FSD1L: variants seen among roughly 807,000 people sequenced by gnomAD.
FSD1L encodes fibronectin type III and SPRY domain containing 1 like.
FSD1L carries 45 observed loss-of-function variants against 71.6 expected under a neutral mutation model. The ratio of observed to expected loss-of-function variants is 0.63; its 90% CI spans 0.49 to 0.81. The LOEUF (loss-of-function observed/expected upper bound fraction) is 0.81. Among genes scored for constraint, FSD1L ranks in the 30% least tolerant of loss-of-function variants. The probability of loss-of-function intolerance (pLI) is 0.00; values close to 1 mark genes in which losing one functional copy is unlikely to be tolerated. For synonymous variants in FSD1L, 197 were observed against 207.2 expected, an observed-to-expected ratio of 0.95 and a Z score of 0.42; for missense variants, 561 against 618.1, an observed-to-expected ratio of 0.91 and a Z score of 0.98.
intron 3 of FSD1L, among the ~76,000 whole-genome samples, 171 bp from the exon 4 acceptor site, chr9:105,468,022 T>C (rs1831189849): frequency 6.6e-6 from 1 of 152,248 alleles, no homozygotes. Context: ...GGGCAGTTTG[T>C]TGCATTTATC....
chr9:105,481,191 T>G (rs1282445446), intron 6 of FSD1L, among the ~76,000 whole-genome samples: 5 of 113,294 alleles, frequency 4.4e-5, no homozygotes, highest in Admixed American at 2.8e-4. Context: ...TTCTTTTTTT[T>G]TTTTTTTTTT....
Position 105,508,679 on chromosome 9 carries a change from G to A in FSD1L, c.859G>A (p.Gly287Arg). Residue 287 changes from glycine (G) to arginine (R), a missense_variant, in exon 9 of 14, where the codon GGA (glycine) becomes AGA (arginine). Physicochemically the swap from Gly to Arg is moderately radical, Grantham distance 125. Around this residue, in one of 3 missense-constraint regions of FSD1L, gnomAD observed 410 missense variants for 413.5 expected, o/e 0.99. Transcript: ENST00000481272. ...RVRACNKAVA[G>R]EYSDPVTLET... ...GCGAGCTTGTAACAAGGCTGTGGCT[G>A]GAGAGTATTCTGATCCAGTGACTCT... 6.4e-7 allele frequency: 1 copy of A among 1,551,068 alleles called. No homozygotes were observed. Among genetic ancestry groups the A allele is most frequent in the Non-Finnish European group, 8.7e-7 (1 of 1,146,248 alleles).
At chr9:105,475,957 C>T (rs79656863) in intron 5 of FSD1L, among the ~76,000 whole-genome samples, 6,297 of 151,928 alleles carry the variant, frequency 0.041, 444 homozygotes, top group African/African-American at 0.14. Flanking sequence ...GAAAATAAGG[C>T]TTTGAGGCTC....
At position 105,528,064 on chromosome 9, in the gene FSD1L, G is replaced by T. The variant is rs551321458; in HGVS notation, c.1026-6429G>T. Among the ~76,000 whole-genome samples, 111 of 151,268 alleles carry T rather than the reference G, an allele frequency of 7.3e-4. 1 individual carries two copies. The highest frequency in any genetic ancestry group is 2.7e-3 in the African/African-American group (110 of 41,404). ...TTCACAATTGCTACAAAGAGAATAC[G>T]TAGGAATACAACTTACAAGGGATGT... On this transcript the variant is annotated intron_variant, in intron 10 of 13. Coordinates refer to ENST00000481272, the MANE Select transcript of FSD1L (RefSeq NM_001145313.3).
At chr9:105,504,916 T>G (rs959785085) in intron 7 of FSD1L, among the ~76,000 whole-genome samples, 20 of 152,234 alleles carry the variant, frequency 1.3e-4, no homozygotes, top group African/African-American at 4.6e-4. Flanking sequence ...TTGAGCATGA[T>G]AATACAGAAA....
At chr9:105,475,021 C>CT (rs1831703004) in intron 5 of FSD1L, among the ~76,000 whole-genome samples, 2 of 152,160 alleles carry the variant, frequency 1.3e-5, no homozygotes, top group African/African-American at 4.8e-5. Context: ...AGCTTTATTC[C>CT]TGGACTTAAT....
intron 10 of FSD1L, chr9:105,520,509 T>A: frequency 8.9e-7 from 1 of 1,127,528 alleles, no homozygotes; most frequent in Non-Finnish European, 1.4e-6. Context: ...ATGCTATACT[T>A]TTTATTTTTG....
intron 5 of FSD1L, chr9:105,472,313 A>G (rs968994540): frequency 2.3e-4 from 63 of 279,854 alleles, no homozygotes; most frequent in African/African-American, 1.2e-3. Flanking sequence ...TTGCAGATAA[A>G]TGCCCCCACT....
rs1035700414 is a variant in FSD1L at position 105,549,554 on chromosome 9, C to T, written c.*3071C>T. ...TGGTATCTGTATCATCTTGACAAAT[C>T]GTGAACTGCTGCTGTATGGCTAGAC... is the stretch of plus-strand genomic sequence containing the variant. On this transcript the variant is annotated 3_prime_UTR_variant, in exon 14 of 14. Transcript: ENST00000481272. 1.3e-5 allele frequency: 2 copies of T among 151,976 alleles called. No homozygotes were observed. Among genetic ancestry groups the T allele is most frequent in the African/African-American group, 4.8e-5 (2 of 41,434 alleles). 9.4% of individuals were successfully genotyped at this position (151,976 alleles called of 1,614,324 possible). A position where few individuals can be genotyped will look rare whatever the true frequency, so the allele number is the denominator to read the frequency against.
At position 105,529,240 on chromosome 9, in the gene FSD1L, A is replaced by G. The variant is rs1835731944; in HGVS notation, c.1026-5253A>G. ...CGATTCCTCAAGGATCTAGAACTAG[A>G]AATATCATTTGACCCAGCAATCCCA... On this transcript the variant is annotated intron_variant, in intron 10 of 13. Coordinates refer to ENST00000481272, the MANE Select transcript of FSD1L (RefSeq NM_001145313.3). Among the ~76,000 whole-genome samples, 3 of 152,234 alleles carry G rather than the reference A, an allele frequency of 2.0e-5. No individual in the cohort carries two copies. The South Asian group carries it at 6.2e-4, about 32-fold the overall frequency.
chr9:105,449,994 T>G (rs963351198), intron 1 of FSD1L, among the ~76,000 whole-genome samples: 6 of 152,238 alleles, frequency 3.9e-5, no homozygotes, highest in African/African-American at 1.4e-4. Context: ...AGAAAATATG[T>G]TGAATTTCAT....
intron 10 of FSD1L, among the ~76,000 whole-genome samples, chr9:105,533,416 C>CTTTTTTTTTTTTTTTTGTTTTTT (rs1836037398): frequency 3.4e-5 from 1 of 29,070 alleles, no homozygotes; most frequent in Non-Finnish European, 6.0e-5. Flanking sequence ...CCATTTCCAT[C>CTTTTTTTTTTTTTTTTGTTTTTT]TTTTTTTTTT....
Position 105,448,036 on chromosome 9 carries a change from T to C in FSD1L, c.-185T>C. The C allele has an allele frequency of 3.0e-6, 2 of 661,684 alleles. No individual in the cohort carries two copies. The highest frequency in any genetic ancestry group is 3.3e-5 in the East Asian group (1 of 30,626). 41.0% of individuals were successfully genotyped at this position (661,684 alleles called of 1,614,324 possible). On this transcript the variant is annotated 5_prime_UTR_variant, in exon 1 of 14. Coordinates refer to ENST00000481272, the MANE Select transcript of FSD1L (RefSeq NM_001145313.3). ...GCCCCTCCCTTCTGCGGGCCGCCCT[T>C]TCACCCTGGCAACCGCGGCGTGACT... is the stretch of plus-strand genomic sequence containing the variant.
intron 7 of FSD1L, among the ~76,000 whole-genome samples, chr9:105,503,124 G>A (rs1041520627): frequency 6.6e-6 from 1 of 152,110 alleles, no homozygotes; most frequent in African/African-American, 2.4e-5. Flanking sequence ...CTGGGCTCAA[G>A]TGATCCTCCT....
rs779546602 is a variant in FSD1L at position 105,551,223 on chromosome 9, A to G, written c.*4740A>G. ...TAATTCATACTATAAGACAGATAAT[A>G]GCTAAAGTTTTGGAATAATTTATAT... On this transcript the variant is annotated 3_prime_UTR_variant, in exon 14 of 14. Transcript: ENST00000481272. 2.6e-5 allele frequency: 4 copies of G among 152,102 alleles called. No individual in the cohort carries two copies. The highest frequency in any genetic ancestry group is 9.7e-5 in the African/African-American group (4 of 41,428). The allele number at this position is 152,102 out of a possible 1,614,324, so 9.4% of individuals were successfully genotyped here. A position where few individuals can be genotyped will look rare whatever the true frequency, so the allele number is the denominator to read the frequency against.
In FSD1L at chr9:105,520,050, C is replaced by T. The variant is rs568620310; in HGVS notation, c.1025+7114C>T. ...ATGAGCCTCTCTGGCTAGTCTCCTCCCCGTCCACTCCCTCCACTTTCTGCC... is the reference window on the plus strand; with the variant it reads ...ATGAGCCTCTCTGGCTAGTCTCCTCTCCGTCCACTCCCTCCACTTTCTGCC... On this transcript the variant is annotated intron_variant, in intron 10 of 13. Transcript: ENST00000481272. 3.9e-4 allele frequency: 585 copies of T among 1,514,684 alleles called. 6 individuals carry two copies. The South Asian group carries it at 5.3e-3, about 14-fold the overall frequency. The allele number at this position is 1,514,684 out of a possible 1,614,324, so 93.8% of individuals were successfully genotyped here.
intron 10 of FSD1L, among the ~76,000 whole-genome samples, chr9:105,530,298 G>A (rs2131466856): frequency 6.6e-6 from 1 of 152,266 alleles, no homozygotes; most frequent in East Asian, 1.9e-4. Context: ...GGGAAGTGGG[G>A]TGAGGGAGGG....
At chr9:105,460,211 A>T (rs1407089524) in intron 1 of FSD1L, among the ~76,000 whole-genome samples, 1 of 152,218 alleles carries the variant, frequency 6.6e-6, no homozygotes, top group African/African-American at 2.4e-5. Context: ...ATGGCTATTA[A>T]TACATCTTAG....
chr9:105,457,038 G>T (rs1830401916), intron 1 of FSD1L, among the ~76,000 whole-genome samples: 2 of 152,164 alleles, frequency 1.3e-5, no homozygotes, highest in Admixed American at 6.5e-5. Context: ...TGGGGCAGAT[G>T]AAAGTTGTCT....
Sources: allele counts gnomAD v4.1 joint callset (sites outside exome capture counted in the v4.1 genomes callset), GRCh38; gene constraint gnomAD v4.1.1; regional missense constraint gnomAD v4.1.1; transcripts MANE v1.5; gene names NCBI Gene and HGNC (gene_info 2026-07-23, HGNC 2026-07-21).